Variants in CEP170 observed in about 807,000 individuals in gnomAD.
CEP170 encodes the protein centrosomal protein 170.
CEP170 carries 21 observed loss-of-function variants against 151.9 expected under a neutral mutation model. The observed-to-expected ratio is 0.14, with a 90% CI of 0.10 to 0.20. The LOEUF (loss-of-function observed/expected upper bound fraction) is 0.20. Ranked by LOEUF, CEP170 falls within the 10% of genes least tolerant of loss-of-function variation. The pLI is 1.00. For missense variants in CEP170, 964 were observed against 1,892.9 expected (o/e 0.51, Z 9.11); for synonymous variants, 356 against 648.8 (o/e 0.55, Z 6.86).
rs1454505011 is a variant in CEP170 at position 243,200,659 on chromosome 1, G to A, written c.355C>T (p.Leu119Phe). 2.6e-6 allele frequency: 4 copies of A among 1,521,006 alleles called. No individual in the cohort carries two copies. In the Admixed American group the frequency reaches 9.6e-5, roughly 36 times the overall value. 94.2% of individuals were successfully genotyped at this position (1,521,006 alleles called of 1,614,324 possible). The part of the protein sequence containing the change: ...ALKHEKFTIQ[L>F]QLSQKSSESE... Reference sequence around the variant, plus strand: ...TCTGAAGATTTTTGGGACAACTGAAGCTGAATGGTAAACTTCTCATGCTAT... The same window carrying A: ...TCTGAAGATTTTTGGGACAACTGAAACTGAATGGTAAACTTCTCATGCTAT... Residue 119 changes from leucine (L) to phenylalanine (F), a missense_variant, in exon 6 of 20, where the codon CTT becomes TTT. Transcript: ENST00000366542.
At chr1:243,190,626 C>A (rs1391996107) in intron 8 of CEP170, among the ~76,000 whole-genome samples, 2 of 152,164 alleles carry the variant, frequency 1.3e-5, no homozygotes, top group Non-Finnish European at 2.9e-5. Flanking sequence ...CTTAAAATTT[C>A]TTTCAGAATC....
chr1:243,168,368 C>A (rs2058590835), intron 12 of CEP170: 1 of 151,978 alleles, frequency 6.6e-6, no homozygotes, highest in Non-Finnish European at 1.5e-5. Flanking sequence ...ATAAAAGCCA[C>A]ATACAAAATC....
At chr1:243,140,242 A>G (rs2055673768) in intron 15 of CEP170, 135 bp from the exon 16 acceptor site, 1 of 1,267,272 alleles carries the variant, frequency 7.9e-7, no homozygotes, top group African/African-American at 1.5e-5. Flanking sequence ...TCTTCAATAA[A>G]CCAATTACTC....
chr1:243,129,764 C>A (rs931546201), intron 17 of CEP170, among the ~76,000 whole-genome samples: 1 of 151,846 alleles, frequency 6.6e-6, no homozygotes, highest in African/African-American at 2.4e-5. Flanking sequence ...ATTTACAATA[C>A]AGTAATGCCC....
chr1:243,145,515 C>T (rs1370392330), intron 14 of CEP170, among the ~76,000 whole-genome samples: 6 of 152,248 alleles, frequency 3.9e-5, no homozygotes, highest in East Asian at 1.9e-4. Context: ...CCTTGTGATC[C>T]GCCCGCCTTG....
rs751388751 is a variant in CEP170, at chr1:243,210,608, A to ATTTTTTTTTTT, written c.274+1267_274+1277dup. On this transcript the variant is annotated intron_variant, in intron 4 of 19. Transcript: ENST00000366542. ...AAAAATTGTAATATTATTTTTCGTA[A>ATTTTTTTTTTT]TTTTTTTTTTTTTTTTTTTTTTTTT... Among the ~76,000 whole-genome samples, 46 of 67,954 alleles carry ATTTTTTTTTTT rather than the reference A, an allele frequency of 6.8e-4. 1 individual carries two copies. Among genetic ancestry groups the ATTTTTTTTTTT allele is most frequent in the Middle Eastern group, 0.023 (1 of 44 alleles). The allele number at this position is 67,954 out of a possible 152,430, so 44.6% of individuals were successfully genotyped here.
At chr1:243,192,203 A>G (rs149581561) in intron 7 of CEP170, among the ~76,000 whole-genome samples, 6,896 of 152,202 alleles carry the variant, frequency 0.045, 305 homozygotes, top group African/African-American at 0.12. Context: ...TTTCCAGACA[A>G]TAACTCTGGA....
chr1:243,178,265 C>A (rs1200233193), intron 10 of CEP170, among the ~76,000 whole-genome samples: 2 of 140,648 alleles, frequency 1.4e-5, no homozygotes, highest in African/African-American at 5.3e-5. Context: ...GCCGAGATCA[C>A]GCCACTGCAC....
intron 1 of CEP170, among the ~76,000 whole-genome samples, chr1:243,249,270 T>C (rs1465345387): frequency 3.3e-5 from 5 of 151,888 alleles, no homozygotes; most frequent in African/African-American, 7.3e-5. Flanking sequence ...TACAAAAAAT[T>C]AGCTGGGCAT....
intron 7 of CEP170, among the ~76,000 whole-genome samples, chr1:243,197,217 G>A (rs1283492271): frequency 6.6e-6 from 1 of 152,044 alleles, no homozygotes; most frequent in Non-Finnish European, 1.5e-5. Context: ...CTAAGGATTA[G>A]ACAGACAAGG....
intron 1 of CEP170, among the ~76,000 whole-genome samples, chr1:243,251,942 CA>C (rs1486203069): frequency 6.6e-6 from 1 of 152,158 alleles, no homozygotes; most frequent in Admixed American, 6.5e-5. Context: ...CCAGTTTAAT[CA>C]ACCACACTAC....
intron 1 of CEP170, among the ~76,000 whole-genome samples, chr1:243,235,116 G>A (rs2149089217): frequency 6.6e-6 from 1 of 152,134 alleles, no homozygotes. Flanking sequence ...AAAGAGAATG[G>A]ATCAAGATAG....
At chr1:243,186,613 A>G (rs889386646) in intron 8 of CEP170, 191 bp from the exon 9 acceptor site, 28 of 564,346 alleles carry the variant, frequency 5.0e-5, no homozygotes, top group African/African-American at 1.1e-4. Context: ...TCAACTAACA[A>G]TGAGGTCCTT....
intron 11 of CEP170, among the ~76,000 whole-genome samples, chr1:243,171,350 TAAAC>T (rs1441914937): frequency 1.3e-5 from 2 of 152,168 alleles, no homozygotes; most frequent in Admixed American, 1.3e-4. Flanking sequence ...TTAACATTAA[TAAAC>T]AAACAAACAT....
At chr1:243,131,289 C>T (rs61833157) in intron 17 of CEP170, among the ~76,000 whole-genome samples, 34 of 146,284 alleles carry the variant, frequency 2.3e-4, no homozygotes, top group East Asian at 8.2e-4. Flanking sequence ...GCCAGGAGAT[C>T]GAGACCAGCC....
intron 14 of CEP170, among the ~76,000 whole-genome samples, chr1:243,151,723 A>G: frequency 6.6e-6 from 1 of 152,264 alleles, no homozygotes; most frequent in East Asian, 1.9e-4. Flanking sequence ...AGATCTAGCT[A>G]AGATAATTGA....
At chr1:243,217,751 A>G (rs1450078778) in intron 3 of CEP170, among the ~76,000 whole-genome samples, 7 of 152,212 alleles carry the variant, frequency 4.6e-5, no homozygotes, top group African/African-American at 1.2e-4. Context: ...TAGATACGGG[A>G]AAAAAAATGA....
At chr1:243,244,940 G>C (rs1056232520) in intron 1 of CEP170, among the ~76,000 whole-genome samples, 3 of 152,032 alleles carry the variant, frequency 2.0e-5, no homozygotes, top group African/African-American at 4.8e-5. Context: ...ATAAGGAAAA[G>C]GAAATAAGAA....
At chr1:243,144,767 G>A (rs1258650466) in intron 14 of CEP170, among the ~76,000 whole-genome samples, 1 of 152,046 alleles carries the variant, frequency 6.6e-6, no homozygotes, top group East Asian at 1.9e-4. Context: ...ATATATTGTT[G>A]ATTTGAAAAC....
Sources: allele counts gnomAD v4.1 joint callset (sites outside exome capture counted in the v4.1 genomes callset), GRCh38; gene constraint gnomAD v4.1.1; transcripts MANE v1.5; gene names NCBI Gene and HGNC (gene_info 2026-07-23, HGNC 2026-07-21).